Variants in CCDC170 observed in about 807,000 individuals in gnomAD.
CCDC170 encodes the protein coiled-coil domain-containing protein 170.
Under a neutral mutation model 72.6 loss-of-function variants are expected in CCDC170, and 69 were observed. That is an observed-to-expected ratio of 0.95 (90% CI 0.78 to 1.16). The LOEUF (loss-of-function observed/expected upper bound fraction) is 1.16. Among genes scored for constraint, CCDC170 ranks in the 50% most tolerant of loss-of-function variants. The pLI is 0.00. For synonymous variants in CCDC170, 300 were observed against 303.9 expected, an observed-to-expected ratio of 0.99 and a Z score of 0.13; for missense variants, 852 against 832.5, an observed-to-expected ratio of 1.02 and a Z score of -0.29.
intron 10 of CCDC170, 25 bp downstream of exon 10, chr6:151,615,704 C>T: frequency 2.0e-6 from 3 of 1,497,266 alleles, no homozygotes; most frequent in South Asian, 2.3e-5. Flanking sequence ...GGTGATGAAA[C>T]CTTGTTTAGG....
At chr6:151,548,030 A>G (rs9397059) in intron 4 of CCDC170, among the ~76,000 whole-genome samples, 118,362 of 152,144 alleles carry the variant, frequency 0.78, 48,275 homozygotes, top group East Asian at 0.98. Flanking sequence ...ACCTTACCTG[A>G]TGTATTTAGC....
intron 1 of CCDC170, among the ~76,000 whole-genome samples, chr6:151,519,752 G>A (rs557440900): frequency 1.7e-4 from 26 of 152,262 alleles, no homozygotes; most frequent in African/African-American, 3.4e-4. Flanking sequence ...TTCCCAGACC[G>A]GAGGGTTTGT....
intron 1 of CCDC170, among the ~76,000 whole-genome samples, chr6:151,515,562 C>G (rs1008006799): frequency 2.6e-5 from 4 of 152,148 alleles, no homozygotes; most frequent in Non-Finnish European, 4.4e-5. Flanking sequence ...GGATTGTAGG[C>G]GTGAGCCACT....
chr6:151,584,743 T>C (rs1294898505), intron 6 of CCDC170, among the ~76,000 whole-genome samples: 1 of 152,240 alleles, frequency 6.6e-6, no homozygotes, highest in Non-Finnish European at 1.5e-5. Context: ...GTTCTCAATA[T>C]AGGCTCCGAG....
intron 9 of CCDC170, among the ~76,000 whole-genome samples, chr6:151,599,234 T>C (rs557147588): frequency 1.3e-5 from 2 of 152,330 alleles, no homozygotes; most frequent in South Asian, 4.1e-4. Context: ...CTCTTACCCA[T>C]AGGGAGGTGC....
chr6:151,584,874 A>T (rs893878807), intron 6 of CCDC170, among the ~76,000 whole-genome samples: 3 of 152,240 alleles, frequency 2.0e-5, no homozygotes, highest in Admixed American at 6.5e-5. Flanking sequence ...TTTTCTTTTT[A>T]AAAATTTAGA....
At chr6:151,614,109 A>G (rs1776919018) in intron 9 of CCDC170, among the ~76,000 whole-genome samples, 1 of 152,168 alleles carries the variant, frequency 6.6e-6, no homozygotes, top group Non-Finnish European at 1.5e-5. Flanking sequence ...TTATTGTGGT[A>G]AAATAAAAAT....
At chr6:151,590,705 G>T (rs78641251) in intron 7 of CCDC170, among the ~76,000 whole-genome samples, 2,267 of 152,272 alleles carry the variant, frequency 0.015, 64 homozygotes, top group African/African-American at 0.052. Context: ...TTTTGAAATA[G>T]AGACAAAATC....
intron 7 of CCDC170, 31 bp from the exon 8 acceptor site, chr6:151,593,076 G>A: frequency 3.7e-6 from 6 of 1,610,660 alleles, no homozygotes; most frequent in Non-Finnish European, 5.1e-6. Flanking sequence ...TGACTTTCAT[G>A]TCCCATTTTT....
intron 8 of CCDC170, among the ~76,000 whole-genome samples, chr6:151,595,390 C>T (rs1241523121): frequency 2.6e-5 from 4 of 152,254 alleles, no homozygotes; most frequent in Non-Finnish European, 5.9e-5. Flanking sequence ...GTGGACCTTA[C>T]AGGCCAGACA....
intron 4 of CCDC170, among the ~76,000 whole-genome samples, chr6:151,546,734 C>T (rs531915960): frequency 6.6e-6 from 1 of 152,190 alleles, no homozygotes; most frequent in African/African-American, 2.4e-5. Flanking sequence ...GTGGAGGCGA[C>T]AATAAAGCCT....
chr6:151,518,395 A>G (rs1782267173), intron 1 of CCDC170, among the ~76,000 whole-genome samples: 1 of 152,152 alleles, frequency 6.6e-6, no homozygotes, highest in East Asian at 1.9e-4. Flanking sequence ...GAGGACTAAG[A>G]TGTTAGTAAA....
intron 9 of CCDC170, among the ~76,000 whole-genome samples, chr6:151,600,227 G>A (rs930747800): frequency 2.6e-5 from 4 of 152,046 alleles, no homozygotes; most frequent in African/African-American, 4.8e-5. Context: ...ACAGATTACC[G>A]GTATCAGCTA....
At chr6:151,518,697 G>T (rs1231594389) in intron 1 of CCDC170, among the ~76,000 whole-genome samples, 1 of 152,158 alleles carries the variant, frequency 6.6e-6, no homozygotes, top group Non-Finnish European at 1.5e-5. Flanking sequence ...TTCCCTAAGG[G>T]TCAGGCGGCT....
chr6:151,517,422 T>TTTC (rs961309913), intron 1 of CCDC170, among the ~76,000 whole-genome samples: 69 of 150,802 alleles, frequency 4.6e-4, no homozygotes, highest in East Asian at 3.3e-3. Context: ...TTACTAATGA[T>TTTC]TTCTTCTTCT....
intron 9 of CCDC170, among the ~76,000 whole-genome samples, chr6:151,601,174 G>C (rs944278923): frequency 3.3e-5 from 5 of 152,172 alleles, no homozygotes; most frequent in African/African-American, 1.2e-4. Flanking sequence ...GGTGGCAAGA[G>C]AGAATGAGAG....
intron 5 of CCDC170, among the ~76,000 whole-genome samples, chr6:151,548,861 AG>A (rs1782825727): frequency 6.6e-6 from 1 of 151,566 alleles, no homozygotes; most frequent in South Asian, 2.1e-4. Flanking sequence ...CTGGGACTAC[AG>A]GCACCCACCA....
chr6:151,603,302 G>T (rs530107508), intron 9 of CCDC170, among the ~76,000 whole-genome samples: 4 of 152,196 alleles, frequency 2.6e-5, no homozygotes, highest in East Asian at 3.9e-4. Context: ...TTCCCTAAGG[G>T]TATAGGAGTT....
chr6:151,546,633 A>G lies in CCDC170; in HGVS notation c.589-1671A>G, dbSNP rs186468772. 1.0e-3 allele frequency among the ~76,000 whole-genome samples: 153 copies of G among 152,178 alleles called. 1 individual carries two copies. Among genetic ancestry groups the G allele is most frequent in the South Asian group, 6.4e-3 (31 of 4,808 alleles). On this transcript the variant is annotated intron_variant, in intron 4 of 10. Transcript: ENST00000239374. ...GCCCCTTGCCCTAAGCCCCCCAGACAGCTCGGGTCAGCCCCTACACCCCAA... is the reference window on the plus strand; with the variant it reads ...GCCCCTTGCCCTAAGCCCCCCAGACGGCTCGGGTCAGCCCCTACACCCCAA...
Sources: gnomAD v4.1 joint callset for allele counts (sites outside exome capture counted in the v4.1 genomes callset) on GRCh38, gnomAD v4.1.1 for gene constraint, MANE v1.5 for transcripts, NCBI Gene and HGNC (gene_info 2026-07-23, HGNC 2026-07-21) for gene names.